The following NCS1 variants were observed in gnomAD, a reference collection of about 807,000 sequenced individuals.
NCS1 encodes the protein neuronal calcium sensor 1.
A neutral mutation model predicts 28.4 loss-of-function variants in NCS1; 6 were observed. The ratio of observed to expected loss-of-function variants is 0.21; its 90% CI spans 0.12 to 0.42. The LOEUF is 0.42. Ranked by LOEUF, NCS1 falls within the 10% of genes least tolerant of loss-of-function variation. NCS1 has a pLI of 1.00. For missense variants in NCS1, 131 were observed against 241.4 expected (o/e 0.54, Z 3.03); for synonymous variants, 86 against 99.3 (o/e 0.87, Z 0.79).
intron 2 of NCS1, among the ~76,000 whole-genome samples, chr9:130,206,047 G>A (rs967306654): frequency 2.2e-4 from 33 of 152,206 alleles, no homozygotes; most frequent in African/African-American, 7.7e-4. Flanking sequence ...CCCTCAGGGC[G>A]ACGCTAGACC....
chr9:130,193,909 A>G (rs898721496), intron 1 of NCS1: 1 of 152,524 alleles, frequency 6.6e-6, no homozygotes, highest in Non-Finnish European at 1.5e-5. Flanking sequence ...CCCGCCTTCT[A>G]TTCTTGTGCT....
In NCS1 at chr9:130,219,809, T is replaced by A; in HGVS notation, c.307+6T>A. 1 of 1,614,092 alleles carries A rather than the reference T, an allele frequency of 6.2e-7. No individual in the cohort carries two copies. The highest frequency in any genetic ancestry group is 8.5e-7 in the Non-Finnish European group (1 of 1,179,988). The stretch of plus-strand genomic sequence containing the variant: ...CCTGGATGAGAAGCTACGGTGTAAG[T>A]CCTGCCCCCTTGGCCCTGTGTGGCA... On this transcript the variant is annotated splice_donor_region_variant and intron_variant, in intron 4 of 7. Transcript: ENST00000372398. The surrounding 1 kb of genome is among the most constrained non-coding windows in gnomAD (Gnocchi z 5.7).
chr9:130,201,161 T>C (rs1301715124), intron 2 of NCS1, among the ~76,000 whole-genome samples, 179 bp downstream of exon 2: 1 of 152,174 alleles, frequency 6.6e-6, no homozygotes. Flanking sequence ...TGACGTGGTT[T>C]CAGTGGAACT....
intron 1 of NCS1, among the ~76,000 whole-genome samples, chr9:130,188,218 A>G (rs974589251): frequency 3.3e-5 from 5 of 152,186 alleles, no homozygotes; most frequent in East Asian, 1.9e-4. Flanking sequence ...GTTTTGTTCT[A>G]GTGTGATGTG....
chr9:130,198,538 C>T (rs1031261970), intron 1 of NCS1, among the ~76,000 whole-genome samples: 8 of 152,222 alleles, frequency 5.3e-5, no homozygotes, highest in Middle Eastern at 6.3e-3. Context: ...CGTCCCAGCT[C>T]TGCTGTTTCC....
At chr9:130,202,167 G>A (rs1343943262) in intron 2 of NCS1, among the ~76,000 whole-genome samples, 3 of 152,192 alleles carry the variant, frequency 2.0e-5, no homozygotes, top group Non-Finnish European at 4.4e-5. Flanking sequence ...ACGAGGCCTG[G>A]TTCAGTCTGG....
At chr9:130,227,831 T>G (rs1240385332) in intron 7 of NCS1, among the ~76,000 whole-genome samples, 2 of 152,254 alleles carry the variant, frequency 1.3e-5, no homozygotes, top group Non-Finnish European at 2.9e-5. Flanking sequence ...CTCAGGAGTA[T>G]GCAGTTCAGC....
chr9:130,231,294 G>A (rs1554912080), intron 7 of NCS1, among the ~76,000 whole-genome samples: 1 of 151,830 alleles, frequency 6.6e-6, no homozygotes, highest in Non-Finnish European at 1.5e-5. Context: ...TGAGGCTGCA[G>A]TAAGCTGAGA....
At chr9:130,224,522 C>T (rs1378296285) in intron 6 of NCS1, among the ~76,000 whole-genome samples, 1 of 150,808 alleles carries the variant, frequency 6.6e-6, no homozygotes, top group African/African-American at 2.4e-5. Flanking sequence ...CACACCACTG[C>T]ACTCCAGCCT....
chr9:130,211,697 C>T (rs1833115011), intron 2 of NCS1, among the ~76,000 whole-genome samples: 3 of 152,078 alleles, frequency 2.0e-5, no homozygotes, highest in African/African-American at 4.8e-5. Context: ...CTGGCCACCT[C>T]GTTGGCTAGC....
chr9:130,226,250 C>A lies in NCS1; in HGVS notation c.475-139C>A. ...AGTGCCGAGGTCTGTCTGGTGCTGGCTGCTTGTAGGCCCTGAGCCACGTTG... is the reference window on the plus strand; with the variant it reads ...AGTGCCGAGGTCTGTCTGGTGCTGGATGCTTGTAGGCCCTGAGCCACGTTG... On this transcript the variant is annotated intron_variant, in intron 6 of 7. Transcript: ENST00000372398. This position sits in a 1 kb window ranked among gnomAD's most constrained non-coding sequence, Gnocchi z 4.8. 1.4e-6 allele frequency: 1 copy of A among 718,344 alleles called. No individual in the cohort carries two copies. 44.5% of individuals were successfully genotyped at this position (718,344 alleles called of 1,614,324 possible).
chr9:130,176,017 C>T (rs1554904561), intron 1 of NCS1, among the ~76,000 whole-genome samples: 1 of 152,136 alleles, frequency 6.6e-6, no homozygotes, highest in Non-Finnish European at 1.5e-5. Flanking sequence ...GCTCATGGCA[C>T]CTGAACTCAG....
In NCS1 at chr9:130,217,815, C is replaced by T. The variant is rs147255676; in HGVS notation, c.90-17C>T. On this transcript the variant is annotated splice_polypyrimidine_tract_variant and intron_variant, in intron 2 of 7. Transcript: ENST00000372398. ...GGCGTCTCCTTTACCCTCTCTGGCC[C>T]GGTCTGCTGCCTCCAGGTACAAAGG... The T allele has an allele frequency of 2.8e-4, 445 of 1,614,074 alleles. 1 individual carries two copies. In the African/African-American group the frequency reaches 2.8e-3, roughly 10 times the overall value.
chr9:130,172,958 T>C (rs1554904250), intron 1 of NCS1, among the ~76,000 whole-genome samples: 1 of 151,428 alleles, frequency 6.6e-6, no homozygotes, highest in Non-Finnish European at 1.5e-5. Flanking sequence ...CCGGTCGGCG[T>C]GCGCGGCGCC....
rs1554911479 is a variant in NCS1, at chr9:130,226,956, G to A, written c.*17+452G>A. On this transcript the variant is annotated intron_variant, in intron 7 of 7. Transcript: ENST00000372398. The surrounding 1 kb of genome is among the most constrained non-coding windows in gnomAD (Gnocchi z 4.8). ...GAGAACCGCTTGAACCCAGGAGGTG[G>A]AGATTGCAGTGAGCCGAGATCGTGC... is the stretch of plus-strand genomic sequence containing the variant. Among the ~76,000 whole-genome samples the A allele has an allele frequency of 6.7e-6, 1 of 148,820 alleles. No individual in the cohort carries two copies. Among genetic ancestry groups the A allele is most frequent in the Admixed American group, 6.8e-5 (1 of 14,800 alleles).
intron 7 of NCS1, among the ~76,000 whole-genome samples, chr9:130,231,136 A>T (rs2131164004): frequency 6.6e-6 from 1 of 152,078 alleles, no homozygotes; most frequent in South Asian, 2.1e-4. Context: ...GGATCACTTG[A>T]GCCAAAGAGT....
intron 7 of NCS1, among the ~76,000 whole-genome samples, chr9:130,230,630 GC>G (rs1833488225): frequency 6.6e-6 from 1 of 151,676 alleles, no homozygotes; most frequent in African/African-American, 2.4e-5. Flanking sequence ...GATCCCTTGA[GC>G]CCAGGAGTTA....
rs1832739859 is a variant in NCS1, at chr9:130,186,491, A to T, written c.64+13764A>T. Among the ~76,000 whole-genome samples, 1 of 151,904 alleles carries T rather than the reference A, an allele frequency of 6.6e-6. No homozygotes were observed. ...AATTTGATAGTACTGCTTGAGGGAG[A>T]TGAGAAGTTTGCGGGGAGGGTTTGT... On this transcript the variant is annotated intron_variant, in intron 1 of 7. Coordinates refer to ENST00000372398, the MANE Select transcript of NCS1 (RefSeq NM_014286.4). The surrounding 1 kb of genome is among the most constrained non-coding windows in gnomAD (Gnocchi z 4.1).
intron 1 of NCS1, among the ~76,000 whole-genome samples, chr9:130,182,419 G>A (rs1588108647): frequency 6.6e-6 from 1 of 152,246 alleles, no homozygotes; most frequent in Non-Finnish European, 1.5e-5. Flanking sequence ...CACTGGCCAG[G>A]CATCCCGGAC....
Sources: allele counts gnomAD v4.1 joint callset (sites outside exome capture counted in the v4.1 genomes callset), GRCh38; gene constraint gnomAD v4.1.1; non-coding constraint Gnocchi (gnomAD v3.1); transcripts MANE v1.5; gene names NCBI Gene and HGNC (gene_info 2026-07-23, HGNC 2026-07-21).